The following MGAT4C variants were observed in gnomAD, a reference collection of about 807,000 sequenced individuals.
The protein encoded by MGAT4C is alpha-1,3-mannosyl-glycoprotein 4-beta-N-acetylglucosaminyltransferase C.
A neutral mutation model predicts 40.1 loss-of-function variants in MGAT4C; 19 were observed. The observed-to-expected ratio is 0.47, with a 90% CI of 0.33 to 0.70. The LOEUF (loss-of-function observed/expected upper bound fraction) is 0.70, where lower values mean the gene tolerates loss of function less well. MGAT4C is among the 30% of genes least tolerant of loss of function. MGAT4C has a pLI of 0.02. For missense variants in MGAT4C, 491 were observed against 563.2 expected, an observed-to-expected ratio of 0.87 and a Z score of 1.30; for synonymous variants, 181 against 187.1, an observed-to-expected ratio of 0.97 and a Z score of 0.27.
intron 2 of MGAT4C, among the ~76,000 whole-genome samples, chr12:86,514,106 ACAC>A (rs1313910839): frequency 1.3e-5 from 2 of 148,966 alleles, no homozygotes; most frequent in African/African-American, 5.0e-5. Context: ...ACACACACAC[ACAC>A]AACCCCGGCT....
intron 2 of MGAT4C, among the ~76,000 whole-genome samples, chr12:86,517,894 T>C (rs528318802): frequency 6.6e-6 from 1 of 152,246 alleles, no homozygotes; most frequent in East Asian, 1.9e-4. Context: ...GTGATCTGCC[T>C]GCCTCGACCT....
In MGAT4C at chr12:85,958,816, A is replaced by G. The variant is rs1882959023; in HGVS notation, c.*20473T>C. The G allele has an allele frequency of 5.3e-5, 8 of 152,206 alleles. No homozygotes were observed. The South Asian group carries it at 1.7e-3, about 32-fold the overall frequency. 9.4% of individuals were successfully genotyped at this position (152,206 alleles called of 1,614,324 possible). ...ATAAATGTATTCTTTAGAGAGTTAA[A>G]AAAAGTAGCAATAAAATACATTTTT... is the stretch of plus-strand genomic sequence containing the variant. On this transcript the variant is annotated 3_prime_UTR_variant, in exon 5 of 5. Transcript: ENST00000611864.
intron 1 of MGAT4C, among the ~76,000 whole-genome samples, chr12:86,102,743 T>C (rs1271760824): frequency 6.6e-6 from 1 of 152,152 alleles, no homozygotes; most frequent in Non-Finnish European, 1.5e-5. Flanking sequence ...CCAACACTAA[T>C]CAATCTTTAC....
intron 1 of MGAT4C, among the ~76,000 whole-genome samples, chr12:86,235,037 T>C (rs1240574158): frequency 6.6e-6 from 1 of 152,140 alleles, no homozygotes; most frequent in African/African-American, 2.4e-5. Context: ...GCTTAGCCTT[T>C]TATTTTTTTC....
intron 4 of MGAT4C, among the ~76,000 whole-genome samples, chr12:86,274,328 T>C (rs76003018): frequency 0.015 from 2,263 of 152,224 alleles, 30 homozygotes; most frequent in African/African-American, 0.035. Flanking sequence ...CCAATCGATA[T>C]CACACTCAAA....
intron 3 of MGAT4C, among the ~76,000 whole-genome samples, chr12:86,347,874 C>T (rs1296884103): frequency 6.6e-6 from 1 of 152,042 alleles, no homozygotes; most frequent in Non-Finnish European, 1.5e-5. Context: ...CTTTCATGTT[C>T]TGTCCTTTTA....
intron 1 of MGAT4C, among the ~76,000 whole-genome samples, chr12:86,078,919 T>C (rs1870307188): frequency 6.6e-6 from 1 of 152,232 alleles, no homozygotes. Context: ...TCTTAGTTTA[T>C]TACTACTTTT....
At chr12:86,542,897 A>C (rs958585176) in intron 2 of MGAT4C, among the ~76,000 whole-genome samples, 5 of 152,212 alleles carry the variant, frequency 3.3e-5, no homozygotes, top group African/African-American at 1.2e-4. Context: ...ACTTAAAAAC[A>C]TTTTAAACTT....
In MGAT4C at chr12:86,545,691, T is replaced by A. The variant is rs574954243; in HGVS notation, c.-228-110426A>T. The stretch of plus-strand genomic sequence containing the variant: ...ATAAAATAAGCCTTTATTTTGGTAA[T>A]ATTTGAAAGTATAAATAGTGGAAAG... On this transcript the variant is annotated intron_variant, in intron 2 of 7. Transcript: ENST00000548651. Among the ~76,000 whole-genome samples the A allele has an allele frequency of 6.6e-5, 10 of 151,972 alleles. No homozygotes were observed. In the South Asian group the frequency reaches 2.1e-3, roughly 31 times the overall value.
At chr12:86,752,125 T>C (rs1171113572) in intron 1 of MGAT4C, among the ~76,000 whole-genome samples, 1 of 152,046 alleles carries the variant, frequency 6.6e-6, no homozygotes, top group Admixed American at 6.6e-5. Flanking sequence ...AAAGCTTCTA[T>C]GTATTTTATA....
chr12:86,120,640 G>A (rs554196311), intron 1 of MGAT4C, among the ~76,000 whole-genome samples: 2 of 152,164 alleles, frequency 1.3e-5, no homozygotes, highest in Non-Finnish European at 2.9e-5. Flanking sequence ...GTCTGGAGTG[G>A]ACCTCCAGCA....
At chr12:86,054,695 A>G (rs1893219019) in intron 1 of MGAT4C, among the ~76,000 whole-genome samples, 2 of 151,764 alleles carry the variant, frequency 1.3e-5, no homozygotes, top group South Asian at 4.2e-4. Flanking sequence ...TTTATCAATT[A>G]AAAATAATGA....
At chr12:86,513,343 A>C (rs1958625225) in intron 2 of MGAT4C, among the ~76,000 whole-genome samples, 1 of 152,170 alleles carries the variant, frequency 6.6e-6, no homozygotes, top group African/African-American at 2.4e-5. Context: ...GGTAGGGTTC[A>C]TCTGAAGGAC....
chr12:86,310,719 C>T lies in MGAT4C; in HGVS notation c.-57+23346G>A, dbSNP rs144623241. Among the ~76,000 whole-genome samples the T allele has an allele frequency of 4.1e-4, 63 of 152,010 alleles. 1 individual carries two copies. Among genetic ancestry groups the T allele is most frequent in the African/African-American group, 1.2e-3 (50 of 41,474 alleles). ...GGCAGATTGCTTGAGGTCAGGAGTTCGAAACCAGCCTGGCCAACATGGTGA... is the reference window on the plus strand; with the variant it reads ...GGCAGATTGCTTGAGGTCAGGAGTTTGAAACCAGCCTGGCCAACATGGTGA... On this transcript the variant is annotated intron_variant, in intron 4 of 7. Coordinates refer to the MGAT4C transcript ENST00000548651.
At chr12:86,287,412 T>C (rs572107435) in intron 4 of MGAT4C, among the ~76,000 whole-genome samples, 94 of 152,252 alleles carry the variant, frequency 6.2e-4, no homozygotes, top group African/African-American at 2.2e-3. Context: ...ATGTGCAGGT[T>C]TGTTACATAG....
At chr12:86,770,720 C>A (rs1951618255) in intron 1 of MGAT4C, among the ~76,000 whole-genome samples, 2 of 151,908 alleles carry the variant, frequency 1.3e-5, no homozygotes, top group African/African-American at 4.8e-5. Flanking sequence ...AAGTTTTATT[C>A]TTGAATATAG....
chr12:86,450,136 T>C (rs2136286213), intron 2 of MGAT4C, among the ~76,000 whole-genome samples: 2 of 152,242 alleles, frequency 1.3e-5, no homozygotes, highest in South Asian at 4.1e-4. Flanking sequence ...TTGCCAACTT[T>C]TCTCGGCGGC....
At chr12:86,830,006 T>G (rs138870636) in intron 1 of MGAT4C, among the ~76,000 whole-genome samples, 1 of 151,504 alleles carries the variant, frequency 6.6e-6, no homozygotes, top group African/African-American at 2.4e-5. Context: ...AAGAAAATGG[T>G]TTGTTACTGA....
Position 86,122,373 on chromosome 12 carries a change from C to T in MGAT4C, c.-56-72650G>A, listed in dbSNP as rs189753756. Among the ~76,000 whole-genome samples the T allele has an allele frequency of 2.6e-5, 4 of 152,192 alleles. No homozygotes were observed. The East Asian group carries it at 7.7e-4, about 29-fold the overall frequency. On this transcript the variant is annotated intron_variant, in intron 1 of 4. Coordinates refer to ENST00000611864, the MANE Select transcript of MGAT4C (RefSeq NM_001351288.2). ...TACATTTGTGCCACTGTTATTATTA[C>T]TGTCTTCTATATTCTAAAGTATTTT... is the stretch of plus-strand genomic sequence containing the variant.
Sources: gnomAD v4.1 joint callset for allele counts (sites outside exome capture counted in the v4.1 genomes callset) on GRCh38, gnomAD v4.1.1 for gene constraint, MANE v1.5 for transcripts, NCBI Gene and HGNC (gene_info 2026-07-23, HGNC 2026-07-21) for gene names.